The following MICU2 variants were observed in gnomAD, a reference collection of about 807,000 sequenced individuals.
The protein encoded by MICU2 is mitochondrial calcium uptake 2.
MICU2 carries 64 observed loss-of-function variants against 60.4 expected under a neutral mutation model. The ratio of observed to expected loss-of-function variants is 1.06; its 90% CI spans 0.87 to 1.31. MICU2 has a LOEUF of 1.31. Ranked by LOEUF, MICU2 falls within the 50% of genes most tolerant of loss-of-function variation. The pLI is 0.00. For synonymous variants in MICU2, 201 were observed against 175.0 expected (o/e 1.15, Z -1.17); for missense variants, 569 against 531.0 (o/e 1.07, Z -0.70).
intron 2 of MICU2, among the ~76,000 whole-genome samples, chr13:21,546,386 A>G (rs1887419793): frequency 6.6e-6 from 1 of 151,436 alleles, no homozygotes; most frequent in Admixed American, 6.6e-5. Flanking sequence ...ACATGATCTG[A>G]AGGAGAAATA....
At chr13:21,603,354 TC>T (rs1269836876) in intron 1 of MICU2, among the ~76,000 whole-genome samples, 1 of 152,210 alleles carries the variant, frequency 6.6e-6, no homozygotes, top group East Asian at 1.9e-4. Flanking sequence ...AGGTTTATAA[TC>T]ATGCAATAAT....
chr13:21,540,346 TA>T (rs1887251643), intron 2 of MICU2, among the ~76,000 whole-genome samples: 1 of 152,222 alleles, frequency 6.6e-6, no homozygotes, highest in South Asian at 2.1e-4. Flanking sequence ...CAAATCATTT[TA>T]AACATCCAGA....
intron 2 of MICU2, among the ~76,000 whole-genome samples, chr13:21,553,639 A>C (rs1351158246): frequency 1.3e-5 from 2 of 152,192 alleles, no homozygotes; most frequent in African/African-American, 4.8e-5. Context: ...CGAGCAAAAT[A>C]ACCAGCTAAC....
intron 11 of MICU2, 91 bp from the exon 12 acceptor site, chr13:21,493,444 C>G: frequency 1.2e-6 from 1 of 813,862 alleles, no homozygotes; most frequent in East Asian, 2.7e-5. Context: ...ATTTCCTTCC[C>G]ACACTCCTCC....
intron 6 of MICU2, among the ~76,000 whole-genome samples, chr13:21,519,792 G>A (rs1473256246): frequency 1.3e-5 from 2 of 152,156 alleles, no homozygotes; most frequent in Admixed American, 1.3e-4. Context: ...CTTCAAATGA[G>A]GAGGGCTGAC....
chr13:21,517,819 G>A (rs1442591451), intron 6 of MICU2, among the ~76,000 whole-genome samples: 27 of 149,300 alleles, frequency 1.8e-4, no homozygotes, highest in South Asian at 6.3e-4. Context: ...GCGCGCACAC[G>A]CGCTACATAC....
At chr13:21,602,695 G>A (rs933309483) in intron 1 of MICU2, 4 of 152,116 alleles carry the variant, frequency 2.6e-5, no homozygotes, top group Non-Finnish European at 4.4e-5. Context: ...TATAATGTAT[G>A]TTAATACAAA....
intron 8 of MICU2, among the ~76,000 whole-genome samples, chr13:21,507,746 G>C (rs1188552551): frequency 2.6e-5 from 4 of 151,802 alleles, no homozygotes; most frequent in African/African-American, 9.7e-5. Context: ...TGGGATTACA[G>C]ATGCCTGCCA....
intron 5 of MICU2, among the ~76,000 whole-genome samples, chr13:21,522,323 A>C (rs766050026): frequency 1.3e-5 from 2 of 152,150 alleles, no homozygotes; most frequent in Non-Finnish European, 2.9e-5. Flanking sequence ...AATTTTGTAT[A>C]ATGTCAGATA....
At chr13:21,571,532 C>T (rs9509800) in intron 1 of MICU2, among the ~76,000 whole-genome samples, 25,580 of 151,998 alleles carry the variant, frequency 0.17, 2,882 homozygotes, top group Non-Finnish European at 0.26. Flanking sequence ...CCCGTCTCTA[C>T]AAAAAATACA....
In MICU2 at chr13:21,514,067, G is replaced by T. The variant is rs113916890; in HGVS notation, c.663+286C>A. Among the ~76,000 whole-genome samples the T allele has an allele frequency of 9.3e-3, 1,415 of 152,250 alleles. 21 individuals carry two copies. Among genetic ancestry groups the T allele is most frequent in the African/African-American group, 0.033 (1,362 of 41,550 alleles). Reference sequence around the variant, plus strand: ...ATTTAAAATACAGTCATGTATTGCTGAGAAATGCATTGTTAAGTGATTGTC... The same window carrying T: ...ATTTAAAATACAGTCATGTATTGCTTAGAAATGCATTGTTAAGTGATTGTC... On this transcript the variant is annotated intron_variant, in intron 7 of 11. Transcript: ENST00000382374.
At chr13:21,532,166 AT>A (rs1466251596) in intron 4 of MICU2, among the ~76,000 whole-genome samples, 12 of 152,182 alleles carry the variant, frequency 7.9e-5, no homozygotes, top group African/African-American at 2.9e-4. Flanking sequence ...ACATCTACAG[AT>A]TTTTCTTCTA....
intron 4 of MICU2, among the ~76,000 whole-genome samples, chr13:21,537,971 A>G (rs1020351862): frequency 1.1e-4 from 17 of 151,778 alleles, no homozygotes; most frequent in African/African-American, 3.9e-4. Flanking sequence ...CTTCTTTCCT[A>G]TTTTCCAGGA....
intron 3 of MICU2, 104 bp downstream of exon 3, chr13:21,539,553 C>T: frequency 6.8e-7 from 1 of 1,477,724 alleles, no homozygotes; most frequent in East Asian, 2.3e-5. Flanking sequence ...CCACCTTGGC[C>T]TCCCAAAGTG....
At chr13:21,567,339 G>A (rs947524710) in intron 1 of MICU2, among the ~76,000 whole-genome samples, 8 of 152,128 alleles carry the variant, frequency 5.3e-5, no homozygotes, top group Admixed American at 3.9e-4. Context: ...GTGTCCTGGG[G>A]TTGGGGGGTC....
chr13:21,539,505 G>A (rs188776728), intron 3 of MICU2, 128 bp from the exon 4 acceptor site: 299 of 1,297,322 alleles, frequency 2.3e-4, no homozygotes, highest in East Asian at 6.9e-4. Context: ...GCTTCACTGT[G>A]TTAGCCAGGA....
At position 21,566,828 on chromosome 13, in the gene MICU2, G is replaced by A. The variant is rs754078154; in HGVS notation, c.327C>T (p.Phe109=). The A allele has an allele frequency of 5.6e-6, 9 of 1,604,594 alleles. No homozygotes were observed. In the South Asian group the frequency reaches 9.0e-5, roughly 16 times the overall value. The part of the protein sequence containing the change: ...EGEYYMTPRD[F]LFSVMFEQME... ...TTTGCTCAAACATCACTGAGAAGAGGAAGTCTCGTGGTGTCATATAATATT... is the reference window on the plus strand; with the variant it reads ...TTTGCTCAAACATCACTGAGAAGAGAAAGTCTCGTGGTGTCATATAATATT... Residue 109 remains phenylalanine (F), a synonymous_variant, in exon 2 of 12, where the codon TTC becomes TTT. Transcript: ENST00000382374.
intron 1 of MICU2, among the ~76,000 whole-genome samples, chr13:21,602,439 G>A (rs1007581574): frequency 5.3e-5 from 8 of 152,092 alleles, no homozygotes; most frequent in African/African-American, 1.7e-4. Flanking sequence ...GGAGAATGGC[G>A]TGAACCCGGG....
Position 21,530,321 on chromosome 13 carries a change from C to T in MICU2, c.467-7671G>A, listed in dbSNP as rs564561303. Among the ~76,000 whole-genome samples the T allele has an allele frequency of 3.9e-5, 6 of 152,314 alleles. No homozygotes were observed. In the South Asian group the frequency reaches 1.2e-3, roughly 32 times the overall value. On this transcript the variant is annotated intron_variant, in intron 4 of 11. Coordinates refer to ENST00000382374, the MANE Select transcript of MICU2 (RefSeq NM_152726.3). ...CTTTTAAAGCCTCCTTCCCTCACCC[C>T]TTCCCCTCTCATCATGCTCATTCCT...
Sources: allele counts gnomAD v4.1 joint callset (sites outside exome capture counted in the v4.1 genomes callset), GRCh38; gene constraint gnomAD v4.1.1; transcripts MANE v1.5; gene names NCBI Gene and HGNC (gene_info 2026-07-23, HGNC 2026-07-21).